TRDN: variants seen among roughly 807,000 people sequenced by gnomAD.
The protein encoded by TRDN is triadin.
A neutral mutation model predicts 149.7 loss-of-function variants in TRDN; 161 were observed. That is an observed-to-expected ratio of 1.08 (90% CI 0.95 to 1.23). The LOEUF (loss-of-function observed/expected upper bound fraction) is 1.23, where lower values mean the gene tolerates loss of function less well. Ranked by LOEUF, TRDN falls within the 50% of genes most tolerant of loss-of-function variation. The probability of loss-of-function intolerance (pLI) is 0.00; values close to 1 mark genes in which losing one functional copy is unlikely to be tolerated. For synonymous variants in TRDN, 294 were observed against 250.5 expected, an observed-to-expected ratio of 1.17 and a Z score of -1.64; for missense variants, 896 against 823.5, an observed-to-expected ratio of 1.09 and a Z score of -1.08.
At chr6:123,242,823 C>T (rs9388196) in intron 38 of TRDN, among the ~76,000 whole-genome samples, 37,933 of 151,816 alleles carry the variant, frequency 0.25, 5,685 homozygotes, top group Non-Finnish European at 0.34. Context: ...GGGAGAGTTC[C>T]TCAACTCTTG....
At position 123,266,657 on chromosome 6, in the gene TRDN, T is replaced by TATTATATATAATATATATA; in HGVS notation, c.1783+1049_1783+1050insTATATATATTATATATAAT. 3.7e-4 allele frequency among the ~76,000 whole-genome samples: 8 copies of TATTATATATAATATATATA among 21,444 alleles called. 3 individuals are homozygous for TATTATATATAATATATATA. Among genetic ancestry groups the TATTATATATAATATATATA allele is most frequent in the African/African-American group, 1.3e-3 (7 of 5,228 alleles). The allele number at this position is 21,444 out of a possible 152,430, so 14.1% of individuals were successfully genotyped here. ...ATATGTATTATATTATAATAATATGTATAATATGTATATATTATAATATAT... is the reference window on the plus strand; with the variant it reads ...ATATGTATTATATTATAATAATATGTATTATATATAATATATATAATAATATGTATATATTATAATATAT... On this transcript the variant is annotated intron_variant, in intron 32 of 40. Coordinates refer to ENST00000334268, the MANE Select transcript of TRDN (RefSeq NM_006073.4).
rs539909622 is a variant in TRDN, at chr6:123,267,884, A to C, written c.1739-133T>G. 10 of 653,826 alleles carry C rather than the reference A, an allele frequency of 1.5e-5. No individual in the cohort carries two copies. The East Asian group carries it at 3.0e-4, about 19-fold the overall frequency. The allele number at this position is 653,826 out of a possible 1,614,324, so 40.5% of individuals were successfully genotyped here. ...AAGTCATTTTCATGTAATTTGAAAC[A>C]AAGAAAGCATATTGCCATAAAAAAA... On this transcript the variant is annotated intron_variant, in intron 31 of 40. Coordinates refer to ENST00000334268, the MANE Select transcript of TRDN (RefSeq NM_006073.4).
chr6:123,229,723 G>C (rs1775525610), intron 38 of TRDN, among the ~76,000 whole-genome samples: 1 of 151,750 alleles, frequency 6.6e-6, no homozygotes, highest in African/African-American at 2.4e-5. Context: ...GCGTGTGTAT[G>C]GACTCTAATA....
In TRDN at chr6:123,623,857, T is replaced by G. The variant is rs189217551; in HGVS notation, c.22+12897A>C. On this transcript the variant is annotated intron_variant, in intron 1 of 40. Transcript: ENST00000334268. ...ATTAATATCTCATCAGTTGATTTGCTTATTTGTTTTATATTGATTCATTCC... is the reference window on the plus strand; with the variant it reads ...ATTAATATCTCATCAGTTGATTTGCGTATTTGTTTTATATTGATTCATTCC... 2.0e-5 allele frequency among the ~76,000 whole-genome samples: 3 copies of G among 152,254 alleles called. No homozygotes were observed. The East Asian group carries it at 5.8e-4, about 29-fold the overall frequency.
intron 12 of TRDN, among the ~76,000 whole-genome samples, chr6:123,402,063 C>A (rs1442278871): frequency 6.6e-6 from 1 of 151,898 alleles, no homozygotes; most frequent in Admixed American, 6.6e-5. Flanking sequence ...ATGAATCAAT[C>A]CAGCTGGAGC....
chr6:123,428,791 C>T (rs989951320), intron 12 of TRDN, among the ~76,000 whole-genome samples: 1 of 152,040 alleles, frequency 6.6e-6, no homozygotes. Context: ...TGCGTGAGGC[C>T]TTGTATTTAC....
At chr6:123,559,016 C>A (rs1284481327) in intron 2 of TRDN, among the ~76,000 whole-genome samples, 1 of 152,224 alleles carries the variant, frequency 6.6e-6, no homozygotes, top group Non-Finnish European at 1.5e-5. Flanking sequence ...ATCGGACTCA[C>A]CCGGCAGCCA....
At chr6:123,532,975 G>T (rs1202543261) in intron 4 of TRDN, among the ~76,000 whole-genome samples, 1 of 151,858 alleles carries the variant, frequency 6.6e-6, no homozygotes, top group East Asian at 1.9e-4. Flanking sequence ...TGTTTTGCTT[G>T]CTCCCTCGTC....
intron 1 of TRDN, among the ~76,000 whole-genome samples, chr6:123,600,199 C>T (rs1019676727): frequency 1.3e-5 from 2 of 151,978 alleles, no homozygotes; most frequent in South Asian, 2.1e-4. Flanking sequence ...TTTGTGTTAC[C>T]GTTCCCAGGC....
At chr6:123,266,437 A>T (rs1582798209) in intron 32 of TRDN, among the ~76,000 whole-genome samples, 1 of 95,410 alleles carries the variant, frequency 1.0e-5, no homozygotes, top group Non-Finnish European at 1.8e-5. Flanking sequence ...TGTATTATAT[A>T]TAATATATAG....
At chr6:123,252,255 CGTAA>C (rs1776400755) in intron 38 of TRDN, among the ~76,000 whole-genome samples, 153 bp downstream of exon 38, 1 of 150,840 alleles carries the variant, frequency 6.6e-6, no homozygotes, top group South Asian at 2.1e-4. Flanking sequence ...TAAGTTTCAA[CGTAA>C]GTAACAATAA....
intron 35 of TRDN, among the ~76,000 whole-genome samples, chr6:123,256,569 T>C (rs1466495997): frequency 3.3e-5 from 5 of 152,206 alleles, no homozygotes; most frequent in Admixed American, 3.3e-4. Flanking sequence ...TTTGCATTTC[T>C]CTAGTGACTG....
chr6:123,235,725 C>A (rs1361518922), intron 38 of TRDN, among the ~76,000 whole-genome samples: 1 of 152,108 alleles, frequency 6.6e-6, no homozygotes, highest in Non-Finnish European at 1.5e-5. Flanking sequence ...TAGTGACACT[C>A]CCCCTCTGTC....
chr6:123,497,312 C>T, intron 8 of TRDN, 60 bp from the exon 9 acceptor site: 1 of 1,176,548 alleles, frequency 8.5e-7, no homozygotes, highest in Non-Finnish European at 1.2e-6. Flanking sequence ...CATTTTTCTA[C>T]AGAGAAATAA....
intron 31 of TRDN, among the ~76,000 whole-genome samples, chr6:123,268,448 ATT>A: frequency 1.3e-5 from 2 of 152,092 alleles, no homozygotes; most frequent in Non-Finnish European, 2.9e-5. Flanking sequence ...CAAAAGTGGA[ATT>A]TAAAGTCAAC....
At chr6:123,310,807 G>A (rs981762008) in intron 24 of TRDN, among the ~76,000 whole-genome samples, 1 of 151,842 alleles carries the variant, frequency 6.6e-6, no homozygotes, top group African/African-American at 2.4e-5. Context: ...AAAGGAAAGT[G>A]ACCCATTTTG....
intron 9 of TRDN, among the ~76,000 whole-genome samples, chr6:123,483,065 A>G (rs1007579888): frequency 4.1e-5 from 5 of 121,142 alleles, no homozygotes; most frequent in Admixed American, 1.9e-4. Context: ...TTGATTTCTC[A>G]TTTATTATTA....
At chr6:123,226,091 A>AT (rs765477862) in intron 38 of TRDN, among the ~76,000 whole-genome samples, 35 of 151,670 alleles carry the variant, frequency 2.3e-4, no homozygotes, top group Non-Finnish European at 4.3e-4. Context: ...AATTACTAGA[A>AT]TTTTTTTTAC....
At chr6:123,498,533 G>A in intron 8 of TRDN, 1 of 470,988 alleles carries the variant, frequency 2.1e-6, no homozygotes, top group Non-Finnish European at 4.4e-6. Flanking sequence ...TTTTCCCACA[G>A]GAGAGGTAGG....
Sources: allele counts gnomAD v4.1 joint callset (sites outside exome capture counted in the v4.1 genomes callset), GRCh38; gene constraint gnomAD v4.1.1; transcripts MANE v1.5; gene names NCBI Gene and HGNC (gene_info 2026-07-23, HGNC 2026-07-21).